PLCE1: variants seen among roughly 807,000 people sequenced by gnomAD.
PLCE1 encodes phospholipase C epsilon 1.
PLCE1 carries 119 observed loss-of-function variants against 242.8 expected under a neutral mutation model. That is an observed-to-expected ratio of 0.49 (90% CI 0.42 to 0.57). PLCE1 has a LOEUF of 0.57. PLCE1 is among the 20% of genes least tolerant of loss of function. The probability of loss-of-function intolerance (pLI) is 0.00; values close to 1 mark genes in which losing one functional copy is unlikely to be tolerated. For missense variants in PLCE1, 2,441 were observed against 2,788.8 expected (o/e 0.88, Z 2.81); for synonymous variants, 945 against 1,017.4 (o/e 0.93, Z 1.35).
chr10:94,113,478 C>G lies in PLCE1; in HGVS notation c.1207-18696C>G, dbSNP rs1010013036. ...TTACCACCTGTATTCCAAATAGCAC[C>G]TGAGTGTTCAGAGGGTGGATGGGCT... On this transcript the variant is annotated intron_variant, in intron 2 of 32. Coordinates refer to ENST00000371380, the MANE Select transcript of PLCE1 (RefSeq NM_016341.4). Among the ~76,000 whole-genome samples the G allele has an allele frequency of 3.3e-5, 5 of 152,132 alleles. 1 individual carries two copies. Among genetic ancestry groups the G allele is most frequent in the Non-Finnish European group, 7.3e-5 (5 of 68,042 alleles).
intron 1 of PLCE1, among the ~76,000 whole-genome samples, chr10:94,021,457 T>TGCCTTGAATTTTTG (rs2061376208): frequency 6.6e-6 from 1 of 152,074 alleles, no homozygotes. Context: ...ACATGGGGGT[T>TGCCTTGAATTTTTG]GATGTTCATT....
At chr10:94,084,879 A>G (rs368661551) in intron 2 of PLCE1, among the ~76,000 whole-genome samples, 2 of 152,214 alleles carry the variant, frequency 1.3e-5, no homozygotes, top group African/African-American at 2.4e-5. Flanking sequence ...TTAAAACTGT[A>G]TGTTGCTGTT....
chr10:94,203,971 C>T lies in PLCE1; in HGVS notation c.1810-23335C>T, dbSNP rs138401857. 2.1e-3 allele frequency among the ~76,000 whole-genome samples: 324 copies of T among 152,310 alleles called. 3 individuals carry two copies. Among genetic ancestry groups the T allele is most frequent in the African/African-American group, 7.5e-3 (310 of 41,566 alleles). On this transcript the variant is annotated intron_variant, in intron 4 of 32. Coordinates refer to ENST00000371380, the MANE Select transcript of PLCE1 (RefSeq NM_016341.4). Reference sequence around the variant, plus strand: ...GTTTGTGGCTGATAGCAAAGGCAACCTCTTGGGGCCTTATTTTCCTTACCT... The same window carrying T: ...GTTTGTGGCTGATAGCAAAGGCAACTTCTTGGGGCCTTATTTTCCTTACCT...
chr10:94,215,675 G>A (rs2049495903), intron 4 of PLCE1, among the ~76,000 whole-genome samples: 1 of 152,178 alleles, frequency 6.6e-6, no homozygotes, highest in Non-Finnish European at 1.5e-5. Context: ...TAGACATTTG[G>A]AGCCAGCAGC....
At chr10:94,063,515 C>T (rs1354773089) in intron 2 of PLCE1, among the ~76,000 whole-genome samples, 3 of 152,138 alleles carry the variant, frequency 2.0e-5, no homozygotes, top group Admixed American at 2.0e-4. Context: ...ATTGATTCTT[C>T]CTAAAAGGTT....
chr10:94,071,515 T>TTTTTTTTC (rs1380384623), intron 2 of PLCE1, among the ~76,000 whole-genome samples: 1 of 145,808 alleles, frequency 6.9e-6, no homozygotes. Flanking sequence ...TTTTTTTTTT[T>TTTTTTTTC]TGAGTCACTC....
chr10:94,290,125 C>T (rs2052594502), intron 22 of PLCE1, among the ~76,000 whole-genome samples: 1 of 151,960 alleles, frequency 6.6e-6, no homozygotes, highest in South Asian at 2.1e-4. Flanking sequence ...CTCCCAGGCT[C>T]AAGTGATCCT....
At chr10:94,250,593 T>A (rs767059122) in intron 8 of PLCE1, among the ~76,000 whole-genome samples, 4 of 152,216 alleles carry the variant, frequency 2.6e-5, no homozygotes, top group Non-Finnish European at 5.9e-5. Flanking sequence ...AAAACTACAT[T>A]TTACTTCCCA....
chr10:94,177,827 CT>C (rs2048172121), intron 4 of PLCE1, among the ~76,000 whole-genome samples: 1 of 152,156 alleles, frequency 6.6e-6, no homozygotes, highest in African/African-American at 2.4e-5. Context: ...AGATTACATA[CT>C]TTAGTGCATG....
chr10:94,002,429 G>A (rs1383565114), intron 1 of PLCE1, among the ~76,000 whole-genome samples: 1 of 152,066 alleles, frequency 6.6e-6, no homozygotes, highest in Non-Finnish European at 1.5e-5. Flanking sequence ...AAGAGAGTGT[G>A]CTCATTTCTC....
chr10:94,089,209 T>G, intron 2 of PLCE1: 1 of 1,614,048 alleles, frequency 6.2e-7, no homozygotes, highest in Non-Finnish European at 8.5e-7. Flanking sequence ...TTGGTTTCTG[T>G]GCAGCCTCTT....
intron 3 of PLCE1, among the ~76,000 whole-genome samples, chr10:94,159,689 A>C (rs1199374174): frequency 6.6e-6 from 1 of 152,118 alleles, no homozygotes; most frequent in Non-Finnish European, 1.5e-5. Context: ...ACATATGTAT[A>C]TATGTGCCAT....
At chr10:94,071,361 G>A (rs751826586) in intron 2 of PLCE1, among the ~76,000 whole-genome samples, 52 of 151,954 alleles carry the variant, frequency 3.4e-4, no homozygotes, top group Non-Finnish European at 6.2e-4. Flanking sequence ...CTTACTCCCC[G>A]CACATTCCAC....
At chr10:94,124,201 A>G (rs772920505) in intron 2 of PLCE1, among the ~76,000 whole-genome samples, 7 of 151,988 alleles carry the variant, frequency 4.6e-5, no homozygotes, top group Non-Finnish European at 1.0e-4. Context: ...GCAACATAGC[A>G]AGACCACATC....
At chr10:94,233,513 C>A (rs1358997291) in intron 5 of PLCE1, among the ~76,000 whole-genome samples, 1 of 152,248 alleles carries the variant, frequency 6.6e-6, no homozygotes, top group African/African-American at 2.4e-5. Context: ...CAGTGCCCAG[C>A]TTCCATAACT....
Position 94,306,586 on chromosome 10 carries a change from G to A in PLCE1, c.5782G>A (p.Val1928Ile), listed in dbSNP as rs202171627. The stretch of plus-strand genomic sequence containing the variant: ...GTGGAACGAGCAGTTTCTGTTCCAC[G>A]TTCACTTCGAAGATCTTGTATTTCT... ...PMWNEQFLFHVHFEDLVFLRF... is the reference protein window; with the variant it reads ...PMWNEQFLFHIHFEDLVFLRF... The change falls in exon 26 of 33, where the codon GTT (valine) becomes ATT (isoleucine). Residue 1928 changes from valine (V) to isoleucine (I), a missense_variant. This residue lies in a region of PLCE1 where 1,004 missense variants were observed against 1,322.7 expected (regional missense o/e 0.76). Coordinates refer to ENST00000371380, the MANE Select transcript of PLCE1 (RefSeq NM_016341.4). The surrounding 1 kb of genome is among the most constrained non-coding windows in gnomAD (Gnocchi z 5.7). 306 of 1,614,010 alleles carry A rather than the reference G, an allele frequency of 1.9e-4. 2 individuals are homozygous for A. In the African/African-American group the frequency reaches 3.5e-3, roughly 18 times the overall value.
At chr10:94,251,134 C>G (rs2137603025) in intron 8 of PLCE1, among the ~76,000 whole-genome samples, 1 of 152,150 alleles carries the variant, frequency 6.6e-6, no homozygotes, top group African/African-American at 2.4e-5. Context: ...GGAGAATAGA[C>G]AGTTAAAGTA....
chr10:94,055,238 TA>T (rs2043870526), intron 2 of PLCE1, among the ~76,000 whole-genome samples: 1 of 151,478 alleles, frequency 6.6e-6, no homozygotes, highest in Non-Finnish European at 1.5e-5. Flanking sequence ...AACCTAATAA[TA>T]ATTATATATA....
chr10:94,199,395 A>C (rs976008058), intron 4 of PLCE1, among the ~76,000 whole-genome samples: 1 of 152,216 alleles, frequency 6.6e-6, no homozygotes, highest in Non-Finnish European at 1.5e-5. Flanking sequence ...AATGGGACAG[A>C]AGTCCCTACC....
Sources: allele counts gnomAD v4.1 joint callset (sites outside exome capture counted in the v4.1 genomes callset), GRCh38; gene constraint gnomAD v4.1.1; regional missense constraint gnomAD v4.1.1; non-coding constraint Gnocchi (gnomAD v3.1); transcripts MANE v1.5; gene names NCBI Gene and HGNC (gene_info 2026-07-23, HGNC 2026-07-21).